The following SULT4A1 variants were observed in gnomAD, a reference collection of about 807,000 sequenced individuals.
SULT4A1 encodes sulfotransferase family 4A member 1, also known as sulfotransferase 4A1.
In SULT4A1, 11 loss-of-function variants were observed where a neutral mutation model predicts 35.2. The observed-to-expected ratio is 0.31, with a 90% CI of 0.20 to 0.52. The LOEUF is 0.52. Among genes scored for constraint, SULT4A1 ranks in the 20% least tolerant of loss-of-function variants. The pLI is 0.97. For missense variants in SULT4A1, 271 were observed against 383.7 expected, an observed-to-expected ratio of 0.71 and a Z score of 2.45; for synonymous variants, 152 against 151.8, an observed-to-expected ratio of 1.00 and a Z score of -0.01.
chr22:43,842,416 C>T (rs2269602), intron 1 of SULT4A1, among the ~76,000 whole-genome samples: 35,159 of 152,146 alleles, frequency 0.23, 4,725 homozygotes, highest in East Asian at 0.46. Context: ...AGTGCTTGTC[C>T]ACCAGTACGC....
chr22:43,853,939 TA>T (rs1569505018), intron 1 of SULT4A1, among the ~76,000 whole-genome samples: 1 of 151,894 alleles, frequency 6.6e-6, no homozygotes, highest in East Asian at 1.9e-4. Flanking sequence ...AAGGCTTTTG[TA>T]AAAAAACAGC....
At chr22:43,832,150 C>A (rs1026277377) in intron 5 of SULT4A1, among the ~76,000 whole-genome samples, 2 of 152,194 alleles carry the variant, frequency 1.3e-5, no homozygotes, top group African/African-American at 4.8e-5. Context: ...AGGGTTCCAA[C>A]CTGCTTGGGC....
intron 1 of SULT4A1, among the ~76,000 whole-genome samples, chr22:43,853,566 C>G (rs1410868287): frequency 6.6e-6 from 1 of 152,236 alleles, no homozygotes; most frequent in African/African-American, 2.4e-5. Context: ...ACAGTCAGGC[C>G]TGACCAGTCC....
chr22:43,846,332 C>A (rs995281363), intron 1 of SULT4A1, among the ~76,000 whole-genome samples: 5 of 152,232 alleles, frequency 3.3e-5, no homozygotes, highest in Non-Finnish European at 5.9e-5. Context: ...TGCTATCTAC[C>A]TGCCCAGAAA....
intron 1 of SULT4A1, among the ~76,000 whole-genome samples, chr22:43,857,276 C>T (rs1388925544): frequency 3.3e-5 from 5 of 149,836 alleles, no homozygotes; most frequent in Middle Eastern, 3.5e-3. Flanking sequence ...CAGCAGTATG[C>T]CTGCAGACCC....
At chr22:43,847,628 C>A (rs1422365279) in intron 1 of SULT4A1, among the ~76,000 whole-genome samples, 1 of 151,712 alleles carries the variant, frequency 6.6e-6, no homozygotes, top group Non-Finnish European at 1.5e-5. Flanking sequence ...CCAAGCCCAG[C>A]GCCCCAGTGG....
At chr22:43,827,132 C>T (rs748888773) in intron 6 of SULT4A1, 398 of 985,330 alleles carry the variant, frequency 4.0e-4, no homozygotes, top group Non-Finnish European at 4.7e-4. Flanking sequence ...GAGCACATCA[C>T]CCGAGTACTG....
intron 1 of SULT4A1, among the ~76,000 whole-genome samples, chr22:43,856,178 C>T (rs1237049470): frequency 6.6e-6 from 1 of 152,206 alleles, no homozygotes; most frequent in Non-Finnish European, 1.5e-5. Flanking sequence ...AGAAAAACAT[C>T]CTACTTGTAC....
At position 43,824,805 on chromosome 22, in the gene SULT4A1, C is replaced by G. The variant is rs1440768465; in HGVS notation, c.*1196G>C. The stretch of plus-strand genomic sequence containing the variant: ...CCACAGCAGCGACCCTCCTGACCAC[C>G]ACTTTGGGTGCTTTCCAGCCACATA... On this transcript the variant is annotated 3_prime_UTR_variant, in exon 7 of 7. Transcript: ENST00000330884. 1 of 152,182 alleles carries G rather than the reference C, an allele frequency of 6.6e-6. No individual in the cohort carries two copies. Among genetic ancestry groups the G allele is most frequent in the Admixed American group, 6.5e-5 (1 of 15,274 alleles). 9.4% of individuals were successfully genotyped at this position (152,182 alleles called of 1,614,324 possible). A position where few individuals can be genotyped will look rare whatever the true frequency, so the allele number is the denominator to read the frequency against.
intron 1 of SULT4A1, among the ~76,000 whole-genome samples, chr22:43,856,721 C>A (rs1227932545): frequency 6.6e-6 from 1 of 152,200 alleles, no homozygotes; most frequent in Non-Finnish European, 1.5e-5. Flanking sequence ...CGCAAGCTAA[C>A]ACTACAATAA....
intron 5 of SULT4A1, among the ~76,000 whole-genome samples, chr22:43,833,148 C>A (rs547620159): frequency 1.1e-4 from 16 of 152,218 alleles, no homozygotes; most frequent in Non-Finnish European, 2.2e-4. Flanking sequence ...TAGGCTCCAG[C>A]CCCAAGCCCT....
intron 1 of SULT4A1, among the ~76,000 whole-genome samples, chr22:43,842,568 C>T (rs924849416): frequency 6.6e-6 from 1 of 152,226 alleles, no homozygotes; most frequent in Non-Finnish European, 1.5e-5. Flanking sequence ...AGACATAGCA[C>T]GGCCAAGCCC....
intron 1 of SULT4A1, among the ~76,000 whole-genome samples, chr22:43,860,834 C>G (rs939978742): frequency 6.6e-6 from 1 of 152,138 alleles, no homozygotes; most frequent in Non-Finnish European, 1.5e-5. Context: ...TCACGGTTTT[C>G]CAAGGGCAAC....
At chr22:43,855,032 G>A (rs1347469465) in intron 1 of SULT4A1, among the ~76,000 whole-genome samples, 2 of 152,186 alleles carry the variant, frequency 1.3e-5, no homozygotes, top group Non-Finnish European at 2.9e-5. Flanking sequence ...TTCCTCATCT[G>A]GAAGGTGAGG....
chr22:43,845,521 G>A (rs138082), intron 1 of SULT4A1, among the ~76,000 whole-genome samples: 35,708 of 151,766 alleles, frequency 0.24, 4,421 homozygotes, highest in African/African-American at 0.32. Flanking sequence ...CGACCCTGCC[G>A]TCGGGTGTGT....
intron 1 of SULT4A1, among the ~76,000 whole-genome samples, chr22:43,860,826 A>AC (rs2049458334): frequency 6.6e-6 from 1 of 152,078 alleles, no homozygotes; most frequent in Non-Finnish European, 1.5e-5. Context: ...TTGGGCCCTC[A>AC]CGGTTTTCCA....
At chr22:43,833,903 A>C (rs1310214755) in intron 4 of SULT4A1, among the ~76,000 whole-genome samples, 169 bp from the exon 5 acceptor site, 1 of 152,178 alleles carries the variant, frequency 6.6e-6, no homozygotes, top group Non-Finnish European at 1.5e-5. Flanking sequence ...TCACGTCTTG[A>C]GCCATCCCAG....
intron 4 of SULT4A1, among the ~76,000 whole-genome samples, chr22:43,838,581 G>T (rs918994134): frequency 2.5e-4 from 38 of 152,268 alleles, no homozygotes; most frequent in Non-Finnish European, 4.4e-5. Flanking sequence ...CAGGTAGGAA[G>T]GATGGATGTT....
At chr22:43,857,018 G>A (rs1019842945) in intron 1 of SULT4A1, among the ~76,000 whole-genome samples, 3 of 152,110 alleles carry the variant, frequency 2.0e-5, no homozygotes, top group African/African-American at 7.2e-5. Flanking sequence ...TAAGAAGTCT[G>A]ATTAACATGT....
Sources: allele counts gnomAD v4.1 joint callset (sites outside exome capture counted in the v4.1 genomes callset), GRCh38; gene constraint gnomAD v4.1.1; transcripts MANE v1.5; gene names NCBI Gene and HGNC (gene_info 2026-07-23, HGNC 2026-07-21).